DDO: variants seen among roughly 807,000 people sequenced by gnomAD.
DDO encodes the protein D-aspartate oxidase.
In DDO, 16 loss-of-function variants were observed where a neutral mutation model predicts 16.8. The observed-to-expected ratio is 0.95, with a 90% CI of 0.65 to 1.45. The LOEUF is 1.45. Ranked by LOEUF, DDO falls within the 40% of genes most tolerant of loss-of-function variation. The probability of loss-of-function intolerance (pLI) is 0.00; values close to 1 mark genes in which losing one functional copy is unlikely to be tolerated. For synonymous variants in DDO, 180 were observed against 167.2 expected, an observed-to-expected ratio of 1.08 and a Z score of -0.59; for missense variants, 429 against 420.3, an observed-to-expected ratio of 1.02 and a Z score of -0.18.
At position 110,392,505 on chromosome 6, in the gene DDO, G is replaced by A; in HGVS notation, c.*270C>T. The A allele has an allele frequency of 8.7e-7, 1 of 1,152,336 alleles. No individual in the cohort carries two copies. The highest frequency in any genetic ancestry group is 1.1e-6 in the Non-Finnish European group (1 of 938,510). 71.4% of individuals were successfully genotyped at this position (1,152,336 alleles called of 1,614,324 possible). A position where few individuals can be genotyped will look rare whatever the true frequency, so the allele number is the denominator to read the frequency against. ...TGTTGCATCATTTCTTTTGTTGTTG[G>A]TGTTTTTTTTAGAGGTGGGAACTGG... On this transcript the variant is annotated 3_prime_UTR_variant, in exon 5 of 5. Transcript: ENST00000368924.
intron 2 of DDO, among the ~76,000 whole-genome samples, chr6:110,410,937 G>A (rs1582493096): frequency 6.6e-6 from 1 of 152,256 alleles, no homozygotes. Flanking sequence ...CCTAATAAAA[G>A]ATATGTCTAT....
chr6:110,403,390 C>T (rs770488558), intron 4 of DDO, among the ~76,000 whole-genome samples: 4 of 152,110 alleles, frequency 2.6e-5, no homozygotes, highest in Admixed American at 6.6e-5. Flanking sequence ...TTCAACACTA[C>T]ACACTATTGC....
chr6:110,395,232 A>G (rs1773253506), intron 4 of DDO, among the ~76,000 whole-genome samples: 1 of 152,224 alleles, frequency 6.6e-6, no homozygotes, highest in Non-Finnish European at 1.5e-5. Context: ...GAAAGCCTGA[A>G]TAAAACAAAA....
intron 4 of DDO, among the ~76,000 whole-genome samples, chr6:110,394,144 AC>A (rs1488310971): frequency 6.6e-6 from 1 of 151,464 alleles, no homozygotes; most frequent in Non-Finnish European, 1.5e-5. Context: ...TCACTCTGTC[AC>A]CCAGGCTGGA....
chr6:110,413,218 T>C, intron 2 of DDO, 73 bp downstream of exon 2: 1 of 1,539,564 alleles, frequency 6.5e-7, no homozygotes, highest in South Asian at 1.2e-5. Context: ...AGCTGTCTTT[T>C]GTCAATAGAA....
Position 110,415,492 on chromosome 6 carries a change from A to G in DDO, c.-30T>C, listed in dbSNP as rs759369700. On this transcript the variant is annotated 5_prime_UTR_variant, in exon 1 of 5. Transcript: ENST00000368924. ...CTGTCTCTGAAAAAGCAGTCTTGGA[A>G]GCCACCAAAATCTCTGGCACCAAAC... The G allele has an allele frequency of 1.9e-6, 3 of 1,614,142 alleles. No individual in the cohort carries two copies. In the African/African-American group the frequency reaches 4.0e-5, roughly 22 times the overall value.
intron 2 of DDO, 36 bp downstream of exon 2, chr6:110,413,255 T>C (rs765849174): frequency 6.2e-7 from 1 of 1,600,826 alleles, no homozygotes; most frequent in African/African-American, 1.3e-5. Flanking sequence ...CTATCTGACA[T>C]CTATTGTATC....
In DDO at chr6:110,395,983, C is replaced by G. The variant is rs1386140113; in HGVS notation, c.459-2641G>C. On this transcript the variant is annotated intron_variant, in intron 4 of 4. Coordinates refer to ENST00000368924, the MANE Select transcript of DDO (RefSeq NM_001372108.2). ...AGGAGGTGGAGGTTCAAGCCGAGAT[C>G]CCGCCACTGCACTCAAGCCTAGGAG... is the stretch of plus-strand genomic sequence containing the variant. Among the ~76,000 whole-genome samples, 4 of 152,168 alleles carry G rather than the reference C, an allele frequency of 2.6e-5. 1 individual carries two copies. In the South Asian group the frequency reaches 6.2e-4, roughly 24 times the overall value.
chr6:110,399,746 G>T (rs374316603), intron 4 of DDO, among the ~76,000 whole-genome samples: 1 of 152,252 alleles, frequency 6.6e-6, no homozygotes, highest in Non-Finnish European at 1.5e-5. Context: ...CCACACCGGG[G>T]TCAGGAGGGA....
chr6:110,398,383 TACAC>T (rs372325600), intron 4 of DDO, among the ~76,000 whole-genome samples: 22,769 of 109,810 alleles, frequency 0.21, 2,152 homozygotes, highest in East Asian at 0.37. Context: ...CTTAAATGCG[TACAC>T]ACACACACAC....
At chr6:110,401,418 T>C (rs114920466) in intron 4 of DDO, among the ~76,000 whole-genome samples, 3,153 of 151,770 alleles carry the variant, frequency 0.021, 108 homozygotes, top group African/African-American at 0.073. Flanking sequence ...TTCTCCAAAT[T>C]TGGGGTGTGT....
Position 110,413,411 on chromosome 6 carries a change from T to C in DDO, c.52A>G (p.Thr18Ala), listed in dbSNP as rs1773929892. 6.2e-7 allele frequency: 1 copy of C among 1,613,972 alleles called. No individual in the cohort carries two copies. Among genetic ancestry groups the C allele is most frequent in the African/African-American group, 1.3e-5 (1 of 74,998 alleles). The stretch of plus-strand genomic sequence containing the variant: ...ACCAGTTTGGAGATGCACACAGCCG[T>C]GGAGAGCCCCACCACACCTGCCCCG... ...VVGAGVVGLSTAVCISKLVPR... is the reference protein window; with the variant it reads ...VVGAGVVGLSAAVCISKLVPR... The change falls in exon 2 of 5, where the codon ACG (threonine) becomes GCG (alanine). Residue 18 changes from threonine (T) to alanine (A), a missense_variant. Transcript: ENST00000368924.
At chr6:110,394,319 C>G (rs375200866) in intron 4 of DDO, among the ~76,000 whole-genome samples, 284 of 152,248 alleles carry the variant, frequency 1.9e-3, no homozygotes, top group African/African-American at 6.6e-3. Flanking sequence ...GTTGCCCAGG[C>G]TGGTCTGCAA....
At chr6:110,391,272 T>C (rs2114801785), downstream of DDO, among the ~76,000 whole-genome samples, 1 of 152,066 alleles carries the variant, frequency 6.6e-6, no homozygotes, top group African/African-American at 2.4e-5. Flanking sequence ...ACTCAGGATG[T>C]CCAAAATATA....
At chr6:110,397,210 C>A (rs1382390309) in intron 4 of DDO, among the ~76,000 whole-genome samples, 5 of 152,112 alleles carry the variant, frequency 3.3e-5, no homozygotes, top group Non-Finnish European at 7.4e-5. Flanking sequence ...TCAATAAAGA[C>A]CTTTTATTTT....
chr6:110,404,670 C>T lies in DDO; in HGVS notation c.458+104G>A, dbSNP rs1037599976. The T allele has an allele frequency of 3.1e-6, 4 of 1,294,040 alleles. No homozygotes were observed. The African/African-American group carries it at 5.9e-5, about 19-fold the overall frequency. 80.2% of individuals were successfully genotyped at this position (1,294,040 alleles called of 1,614,324 possible). On this transcript the variant is annotated intron_variant, in intron 4 of 4. Coordinates refer to ENST00000368924, the MANE Select transcript of DDO (RefSeq NM_001372108.2). ...TGAGTGGCAAGGCAACGCGAAAGAG[C>T]TCTGAGGGATGCCAGAGACTTTTCA...
At chr6:110,389,661 A>C (rs956981235), downstream of DDO, among the ~76,000 whole-genome samples, 4 of 151,904 alleles carry the variant, frequency 2.6e-5, no homozygotes, top group Admixed American at 2.0e-4. Context: ...GTTGGTCCTA[A>C]GTTAGAAGTG....
intron 1 of DDO, among the ~76,000 whole-genome samples, chr6:110,415,142 G>A (rs1286850665): frequency 2.6e-5 from 4 of 152,258 alleles, no homozygotes; most frequent in South Asian, 4.1e-4. Context: ...AGAAGGGAAC[G>A]GGCCCAGGCC....
In DDO at chr6:110,413,523, C is replaced by A. The variant is rs543753996; in HGVS notation, c.-4-57G>T. The A allele has an allele frequency of 5.6e-5, 88 of 1,575,790 alleles. 1 individual carries two copies. The highest frequency in any genetic ancestry group is 2.3e-5 in the East Asian group (1 of 44,428). ...TGTTTTAAGGATTTTCCCATCCAGA[C>A]AAAGTTTGGTCTTGACAGTTTTTTC... On this transcript the variant is annotated intron_variant, in intron 1 of 4. Coordinates refer to ENST00000368924, the MANE Select transcript of DDO (RefSeq NM_001372108.2).
Sources: gnomAD v4.1 joint callset for allele counts (sites outside exome capture counted in the v4.1 genomes callset) on GRCh38, gnomAD v4.1.1 for gene constraint, MANE v1.5 for transcripts, NCBI Gene and HGNC (gene_info 2026-07-23, HGNC 2026-07-21) for gene names.